LCLAT1: variants seen among roughly 807,000 people sequenced by gnomAD.
LCLAT1 encodes the protein lysocardiolipin acyltransferase 1, also known as 1-AGP acyltransferase 8.
Under a neutral mutation model 30.7 loss-of-function variants are expected in LCLAT1, and 11 were observed. The ratio of observed to expected loss-of-function variants is 0.36; its 90% CI spans 0.23 to 0.59. LCLAT1 has a LOEUF of 0.59. Among genes scored for constraint, LCLAT1 ranks in the 20% least tolerant of loss-of-function variants. The probability of loss-of-function intolerance (pLI) is 0.77; values close to 1 mark genes in which losing one functional copy is unlikely to be tolerated. For missense variants in LCLAT1, 402 were observed against 458.6 expected, an observed-to-expected ratio of 0.88 and a Z score of 1.13; for synonymous variants, 155 against 151.3, an observed-to-expected ratio of 1.02 and a Z score of -0.18.
At chr2:30,590,359 G>GT (rs1290240014) in intron 5 of LCLAT1, among the ~76,000 whole-genome samples, 6 of 150,900 alleles carry the variant, frequency 4.0e-5, no homozygotes, top group African/African-American at 1.5e-4. Flanking sequence ...TAGTTGATTA[G>GT]TTATTCCCTA....
At chr2:30,536,932 A>T (rs1445678931) in intron 3 of LCLAT1, among the ~76,000 whole-genome samples, 2 of 152,244 alleles carry the variant, frequency 1.3e-5, no homozygotes, top group African/African-American at 4.8e-5. Flanking sequence ...TGAATTTTTT[A>T]AAAATACAAA....
chr2:30,474,547 G>A (rs1461338599), intron 1 of LCLAT1, among the ~76,000 whole-genome samples: 3 of 152,014 alleles, frequency 2.0e-5, no homozygotes, highest in Non-Finnish European at 1.5e-5. Flanking sequence ...AGATATTTGA[G>A]TACAGTTCTG....
chr2:30,545,939 AC>A (rs1664388804), intron 3 of LCLAT1, among the ~76,000 whole-genome samples: 1 of 152,124 alleles, frequency 6.6e-6, no homozygotes, highest in South Asian at 2.1e-4. Context: ...GTGATTTAAA[AC>A]CTGTCCAAGT....
chr2:30,639,251 A>C (rs1004749356), intron 5 of LCLAT1, among the ~76,000 whole-genome samples: 1 of 152,150 alleles, frequency 6.6e-6, no homozygotes, highest in Non-Finnish European at 1.5e-5. Flanking sequence ...CTAACACCTT[A>C]CGTGTTCCCA....
chr2:30,569,089 A>G (rs1665653680), intron 5 of LCLAT1, among the ~76,000 whole-genome samples: 1 of 152,164 alleles, frequency 6.6e-6, no homozygotes, highest in Admixed American at 6.6e-5. Flanking sequence ...GTTAAATAGA[A>G]CTGGCATCCA....
intron 5 of LCLAT1, among the ~76,000 whole-genome samples, chr2:30,610,062 A>G (rs535851876): frequency 6.6e-6 from 1 of 152,144 alleles, no homozygotes; most frequent in African/African-American, 2.4e-5. Flanking sequence ...CAGTTTCTAC[A>G]TGTACAAATT....
intron 5 of LCLAT1, among the ~76,000 whole-genome samples, chr2:30,629,480 A>G (rs1458245583): frequency 6.6e-6 from 1 of 152,192 alleles, no homozygotes; most frequent in Non-Finnish European, 1.5e-5. Context: ...GAATCGCTTG[A>G]ACCCGGGAAG....
At chr2:30,460,645 T>A (rs1682070689) in intron 1 of LCLAT1, among the ~76,000 whole-genome samples, 1 of 152,208 alleles carries the variant, frequency 6.6e-6, no homozygotes, top group Non-Finnish European at 1.5e-5. Flanking sequence ...TCTTTTGTTA[T>A]TCATAACAAG....
At position 30,473,067 on chromosome 2, in the gene LCLAT1, C is replaced by G. The variant is rs906915224; in HGVS notation, c.-5+25684C>G. ...TGTGTACCATATATCCATGGCCTCA[C>G]CAGTCAGGAGAGAGATTTCCATCTT... On this transcript the variant is annotated intron_variant, in intron 1 of 5. Coordinates refer to ENST00000379509, the MANE Select transcript of LCLAT1 (RefSeq NM_001002257.3). 5.3e-5 allele frequency among the ~76,000 whole-genome samples: 8 copies of G among 152,168 alleles called. No homozygotes were observed. In the East Asian group the frequency reaches 1.5e-3, roughly 29 times the overall value.
chr2:30,487,874 C>T (rs1287146124), intron 1 of LCLAT1, among the ~76,000 whole-genome samples: 1 of 152,114 alleles, frequency 6.6e-6, no homozygotes, highest in Admixed American at 6.5e-5. Context: ...GACTCTTGGG[C>T]CAAGTGCTGA....
At chr2:30,571,094 T>G (rs1480561342) in intron 5 of LCLAT1, among the ~76,000 whole-genome samples, 1 of 152,244 alleles carries the variant, frequency 6.6e-6, no homozygotes, top group Admixed American at 6.5e-5. Flanking sequence ...TTGAAATACT[T>G]GTTTTTGAAT....
chr2:30,613,331 C>T (rs1190128428), intron 5 of LCLAT1, among the ~76,000 whole-genome samples: 1 of 152,072 alleles, frequency 6.6e-6, no homozygotes, highest in Non-Finnish European at 1.5e-5. Flanking sequence ...TAAGAAAAAT[C>T]TGTAGGTCGG....
At chr2:30,595,409 A>G (rs1368809987) in intron 5 of LCLAT1, among the ~76,000 whole-genome samples, 1 of 152,098 alleles carries the variant, frequency 6.6e-6, no homozygotes, top group Admixed American at 6.6e-5. Flanking sequence ...AGCATTATTG[A>G]GCTATCAAGA....
intron 1 of LCLAT1, among the ~76,000 whole-genome samples, chr2:30,470,714 T>C (rs191099581): frequency 3.9e-5 from 6 of 152,304 alleles, no homozygotes; most frequent in Admixed American, 3.9e-4. Flanking sequence ...CCTCCAACTT[T>C]GTTCTTTTTC....
At chr2:30,518,533 A>G (rs1271183303) in intron 1 of LCLAT1, among the ~76,000 whole-genome samples, 1 of 152,186 alleles carries the variant, frequency 6.6e-6, no homozygotes, top group Non-Finnish European at 1.5e-5. Context: ...AGTAATAGCA[A>G]AGGACCTAAA....
intron 5 of LCLAT1, among the ~76,000 whole-genome samples, chr2:30,587,742 GA>G (rs1368176280): frequency 6.6e-6 from 1 of 151,912 alleles, no homozygotes; most frequent in African/African-American, 2.4e-5. Flanking sequence ...TCTTTAGTAT[GA>G]ATAACTCATT....
At chr2:30,611,539 G>A (rs1173030264) in intron 5 of LCLAT1, among the ~76,000 whole-genome samples, 1 of 152,080 alleles carries the variant, frequency 6.6e-6, no homozygotes, top group Admixed American at 6.6e-5. Context: ...CTCTCCCCCT[G>A]ACTCTGCTCT....
At chr2:30,490,569 C>G (rs959027658) in intron 1 of LCLAT1, among the ~76,000 whole-genome samples, 1 of 152,136 alleles carries the variant, frequency 6.6e-6, no homozygotes, top group Non-Finnish European at 1.5e-5. Context: ...CCTGGTAACT[C>G]TTACAATACA....
At chr2:30,560,190 C>T (rs1484663355) in intron 3 of LCLAT1, among the ~76,000 whole-genome samples, 6 of 151,924 alleles carry the variant, frequency 3.9e-5, no homozygotes, top group Admixed American at 3.9e-4. Flanking sequence ...ATCAGCAAGA[C>T]TTATACACTG....
Sources: gnomAD v4.1 joint callset for allele counts (sites outside exome capture counted in the v4.1 genomes callset) on GRCh38, gnomAD v4.1.1 for gene constraint, MANE v1.5 for transcripts, NCBI Gene and HGNC (gene_info 2026-07-23, HGNC 2026-07-21) for gene names.